Variants in PTPRQ observed in about 807,000 individuals in gnomAD.
The protein encoded by PTPRQ is phosphatidylinositol phosphatase PTPRQ.
In PTPRQ, 199 loss-of-function variants were observed where a neutral mutation model predicts 246.0. The observed-to-expected ratio is 0.81, with a 90% CI of 0.72 to 0.91. The LOEUF (loss-of-function observed/expected upper bound fraction) is 0.91. Among genes scored for constraint, PTPRQ ranks in the 40% least tolerant of loss-of-function variants. The pLI is 0.00. For missense variants in PTPRQ, 2,624 were observed against 2,528.4 expected, an observed-to-expected ratio of 1.04 and a Z score of -0.81; for synonymous variants, 869 against 853.2, an observed-to-expected ratio of 1.02 and a Z score of -0.32.
chr12:80,514,184 T>A (rs1279398453), intron 17 of PTPRQ, among the ~76,000 whole-genome samples: 1 of 152,112 alleles, frequency 6.6e-6, no homozygotes, highest in Admixed American at 6.6e-5. Context: ...TTTTTCCTTT[T>A]ATCTTTCTTT....
In PTPRQ at chr12:80,493,426, A is replaced by C. The variant is rs1413476931; in HGVS notation, c.1511A>C (p.Asn504Thr). Residue 504 changes from asparagine (N) to threonine (T), a missense_variant, in exon 10 of 45, where the codon AAT (asparagine) becomes ACT (threonine). Transcript: ENST00000644991. ...CCAGATAAAAACTTTCCTGCAAGGA[A>C]TAGAGCTGAAGACCAGACTTCACCA... The part of the protein sequence containing the change: ...SHPDKNFPAR[N>T]RAEDQTSPVV... 1 of 1,549,406 alleles carries C rather than the reference A, an allele frequency of 6.5e-7. No individual in the cohort carries two copies. Among genetic ancestry groups the C allele is most frequent in the Non-Finnish European group, 8.7e-7 (1 of 1,145,650 alleles).
intron 17 of PTPRQ, among the ~76,000 whole-genome samples, chr12:80,523,575 C>T (rs1426328994): frequency 1.3e-5 from 2 of 152,128 alleles, no homozygotes; most frequent in Non-Finnish European, 1.5e-5. Flanking sequence ...TCTTTGTTCT[C>T]ATTGGTTTCA....
Position 80,669,022 on chromosome 12 carries a change from A to C in PTPRQ, c.6208A>C (p.Asn2070His), listed in dbSNP as rs182486787. The C allele has an allele frequency of 1.3e-6, 2 of 1,549,700 alleles. No individual in the cohort carries two copies. The highest frequency in any genetic ancestry group is 3.9e-5 in the Admixed American group (2 of 50,860). The change falls in exon 40 of 45, where the codon AAT becomes CAT. Residue 2070 changes from asparagine to histidine, a missense_variant. Coordinates refer to ENST00000644991, the MANE Select transcript of PTPRQ (RefSeq NM_001145026.2). ...ATCCTTCTAGGGTTATTTATGTCCA[A>C]ATGAATTTATTGCTACTCAAGGTCC... The part of the protein sequence containing the change: ...ASYISGYLCP[N>H]EFIATQGPLP...
intron 30 of PTPRQ, among the ~76,000 whole-genome samples, chr12:80,617,537 C>T (rs76557678): frequency 0.016 from 2,413 of 151,376 alleles, 67 homozygotes; most frequent in African/African-American, 0.054. Context: ...CAGTGGCAGA[C>T]GTGTAGGTGT....
At chr12:80,546,932 T>C (rs1896325351) in intron 24 of PTPRQ, 8 of 387,624 alleles carry the variant, frequency 2.1e-5, no homozygotes, top group Non-Finnish European at 3.1e-5. Context: ...TGAAATAAAA[T>C]AGTAGTTTGG....
chr12:80,454,230 G>C (rs1892885630), intron 3 of PTPRQ, among the ~76,000 whole-genome samples: 1 of 149,504 alleles, frequency 6.7e-6, no homozygotes, highest in Non-Finnish European at 1.5e-5. Flanking sequence ...GAAAAGCGCA[G>C]TATTCGGGTG....
At chr12:80,630,245 C>T (rs1899373818) in intron 33 of PTPRQ, among the ~76,000 whole-genome samples, 1 of 151,952 alleles carries the variant, frequency 6.6e-6, no homozygotes, top group South Asian at 2.1e-4. Flanking sequence ...TCCTTTCCTT[C>T]CCCCCTATGT....
chr12:80,605,296 TTACTTG>T, intron 27 of PTPRQ, 116 bp downstream of exon 27: 1 of 1,313,014 alleles, frequency 7.6e-7, no homozygotes, highest in Non-Finnish European at 1.0e-6. Context: ...GAAAATTACT[TTACTTG>T]TTTGTGTTTC....
chr12:80,609,640 C>T (rs1898472931), intron 27 of PTPRQ, among the ~76,000 whole-genome samples: 1 of 150,552 alleles, frequency 6.6e-6, no homozygotes, highest in African/African-American at 2.4e-5. Flanking sequence ...CCTAAAGACA[C>T]TCATTTATGC....
chr12:80,609,034 C>T (rs1041306152), intron 27 of PTPRQ, among the ~76,000 whole-genome samples: 3 of 150,452 alleles, frequency 2.0e-5, no homozygotes, highest in Non-Finnish European at 4.5e-5. Context: ...CTTCCATTTT[C>T]GAGAAGTGGG....
intron 7 of PTPRQ, among the ~76,000 whole-genome samples, chr12:80,471,396 A>G (rs960666786): frequency 6.6e-6 from 1 of 150,762 alleles, no homozygotes; most frequent in African/African-American, 2.4e-5. Flanking sequence ...CTGACAGACT[A>G]AGGAATTTTG....
chr12:80,453,286 T>C (rs1892840905), intron 3 of PTPRQ, among the ~76,000 whole-genome samples: 1 of 152,190 alleles, frequency 6.6e-6, no homozygotes, highest in Non-Finnish European at 1.5e-5. Flanking sequence ...TTTCATAGTT[T>C]TCAACTTCTT....
In PTPRQ at chr12:80,459,494, C is replaced by T. The variant is rs1893082702; in HGVS notation, c.660+11C>T. 1.8e-5 allele frequency: 7 copies of T among 397,992 alleles called. No individual in the cohort carries two copies. Among genetic ancestry groups the T allele is most frequent in the African/African-American group, 1.2e-4 (6 of 48,460 alleles). The allele number at this position is 397,992 out of a possible 1,614,324, so 24.7% of individuals were successfully genotyped here. On this transcript the variant is annotated intron_variant, in intron 5 of 44. Coordinates refer to ENST00000644991, the MANE Select transcript of PTPRQ (RefSeq NM_001145026.2). ...TTGCCAGAATGCAATGTAAGTATCA[C>T]AGAACACTTTCTATGTCTTGAAAAA... is the stretch of plus-strand genomic sequence containing the variant.
chr12:80,460,644 A>C lies in PTPRQ; in HGVS notation c.661-9A>C, dbSNP rs1391417991. ...ATTATTTCTCTATTGATCTTATTTT[A>C]TTTACTAGGAGAATAGTGAATCTTT... On this transcript the variant is annotated splice_polypyrimidine_tract_variant and intron_variant, in intron 5 of 44. Transcript: ENST00000644991. 2.5e-6 allele frequency: 1 copy of C among 398,410 alleles called. No homozygotes were observed. Among genetic ancestry groups the C allele is most frequent in the East Asian group, 3.6e-5 (1 of 28,082 alleles). The allele number at this position is 398,410 out of a possible 1,614,324, so 24.7% of individuals were successfully genotyped here.
At chr12:80,617,358 G>A (rs1592721725) in intron 30 of PTPRQ, among the ~76,000 whole-genome samples, 1 of 151,268 alleles carries the variant, frequency 6.6e-6, no homozygotes, top group African/African-American at 2.4e-5. Flanking sequence ...TTTTGTCAAT[G>A]GATTATTTAT....
rs769149889 is a variant in PTPRQ, at chr12:80,546,572, A to G, written c.3890A>G (p.Lys1297Arg). 581 of 1,548,478 alleles carry G rather than the reference A, an allele frequency of 3.8e-4. No homozygotes were observed. The highest frequency in any genetic ancestry group is 4.7e-4 in the Non-Finnish European group (538 of 1,146,264). ...TIYYKNISGF[K>R]TEAKLVGLEP... The stretch of plus-strand genomic sequence containing the variant: ...GTTTTTCAGAATATATCAGGATTTA[A>G]AACTGAAGCCAAACTTGTTGGACTG... The change falls in exon 24 of 45, where the codon AAA (lysine) becomes AGA (arginine). Residue 1297 changes from lysine to arginine, a missense_variant. Coordinates refer to ENST00000644991, the MANE Select transcript of PTPRQ (RefSeq NM_001145026.2).
At chr12:80,642,788 C>T (rs1375503697) in intron 35 of PTPRQ, among the ~76,000 whole-genome samples, 2 of 149,608 alleles carry the variant, frequency 1.3e-5, no homozygotes, top group Admixed American at 6.6e-5. Context: ...GGCGTAGTGG[C>T]GGGCGCCTGT....
intron 17 of PTPRQ, among the ~76,000 whole-genome samples, chr12:80,514,402 A>ACACACACACACTCTCT (rs552667526): frequency 0.097 from 10,953 of 112,822 alleles, 692 homozygotes; most frequent in Admixed American, 0.17. Context: ...ACACACACAC[A>ACACACACACACTCTCT]CTCTCTCTCT....
intron 26 of PTPRQ, among the ~76,000 whole-genome samples, chr12:80,599,089 G>T (rs1898059671): frequency 6.6e-6 from 1 of 151,874 alleles, no homozygotes; most frequent in Admixed American, 6.6e-5. Flanking sequence ...GGTCTATCCA[G>T]ACTCACCTTT....
Sources: allele counts gnomAD v4.1 joint callset (sites outside exome capture counted in the v4.1 genomes callset), GRCh38; gene constraint gnomAD v4.1.1; transcripts MANE v1.5; gene names NCBI Gene and HGNC (gene_info 2026-07-23, HGNC 2026-07-21).